MRPL28: variants seen among roughly 807,000 people sequenced by gnomAD.
The protein encoded by MRPL28 is mitochondrial ribosomal protein L28.
In MRPL28, 25 loss-of-function variants were observed where a neutral mutation model predicts 26.2. That is an observed-to-expected ratio of 0.95 (90% confidence interval 0.69 to 1.33). The LOEUF (loss-of-function observed/expected upper bound fraction) is 1.33. Among genes scored for constraint, MRPL28 ranks in the 40% most tolerant of loss-of-function variants. The pLI is 0.00. For missense variants in MRPL28, 432 were observed against 327.2 expected (o/e 1.32, Z -2.47); for synonymous variants, 227 against 140.1 (o/e 1.62, Z -4.38).
chr16:369,891 A>G, intron 2 of MRPL28, 40 bp downstream of exon 2: 1 of 1,578,010 alleles, frequency 6.3e-7, no homozygotes, highest in Non-Finnish European at 8.6e-7. Context: ...GGCACAGCCA[A>G]GCCCTGAGAG....
Position 368,320 on chromosome 16 carries a change from ACACT to A in MRPL28, c.663+4_663+7del. 3 of 1,613,102 alleles carry A rather than the reference ACACT, an allele frequency of 1.9e-6. No homozygotes were observed. Among genetic ancestry groups the A allele is most frequent in the Non-Finnish European group, 2.5e-6 (3 of 1,179,814 alleles). ...GCAGGCAGCATCGGCTGGTGCTCAC[ACACT>A]CACCTTCTCCTCCAAAAGTCTCTGC... is the stretch of plus-strand genomic sequence containing the variant. On this transcript the variant is annotated splice_donor_5th_base_variant and intron_variant, in intron 5 of 5. Transcript: ENST00000199706.
At position 368,565 on chromosome 16, in the gene MRPL28, C is replaced by T. The variant is rs1164580442; in HGVS notation, c.512G>A (p.Arg171Gln). The T allele has an allele frequency of 1.0e-5, 16 of 1,597,136 alleles. No individual in the cohort carries two copies. The highest frequency in any genetic ancestry group is 2.2e-5 in the South Asian group (2 of 89,198). Residue 171 changes from arginine (R) to glutamine (Q), a missense_variant, in exon 4 of 6, where the codon CGG (arginine) becomes CAG (glutamine). By Grantham distance (43) the Arg-to-Gln change is conservative. Transcript: ENST00000199706. ...CTCGGGGTGCAGCTGGGGGTCCTGC[C>T]GGGCAAGCCGCAGCAGCATCCCTCG... ...LKRGMLLRLA[R>Q]QDPQLHPEDP...
rs964594223 is a variant in MRPL28 at position 370,099 on chromosome 16, G to A, written c.120C>T (p.Pro40=). Residue 40 remains proline (P), a synonymous_variant, in exon 2 of 6, where the codon CCC becomes CCT. Coordinates refer to ENST00000199706, the MANE Select transcript of MRPL28 (RefSeq NM_006428.5). The part of the protein sequence containing the change: ...RSLEEERTPT[P]VHYRPHGAKF... ...TGGCCCCATGAGGCCTATAGTGCAC[G>A]GGAGTGGGCGTCCGCTCCTCCTCCA... 9 of 1,610,802 alleles carry A rather than the reference G, an allele frequency of 5.6e-6. No homozygotes were observed. Among genetic ancestry groups the A allele is most frequent in the African/African-American group, 1.3e-5 (1 of 74,836 alleles).
chr16:368,791 G>A, intron 3 of MRPL28, 156 bp from the exon 4 acceptor site: 3 of 1,226,872 alleles, frequency 2.4e-6, no homozygotes, highest in Non-Finnish European at 3.3e-6. Flanking sequence ...TGGGGGGTGG[G>A]ATCAGCACAG....
At chr16:369,845 G>A (rs1567319681) in intron 2 of MRPL28, 86 bp downstream of exon 2, 10 of 1,501,752 alleles carry the variant, frequency 6.7e-6, no homozygotes, top group Non-Finnish European at 7.2e-6. Flanking sequence ...GCCCACCCAG[G>A]TCTCTCCAGG....
Position 370,094 on chromosome 16 carries a change from T to G in MRPL28, c.125A>C (p.His42Pro). Residue 42 changes from histidine (H) to proline (P), a missense_variant, in exon 2 of 6, where the codon CAC (histidine) becomes CCC (proline). Transcript: ENST00000199706. ...LEEERTPTPV[H>P]YRPHGAKFKI... ...GAACTTGGCCCCATGAGGCCTATAG[T>G]GCACGGGAGTGGGCGTCCGCTCCTC... 1 of 1,611,438 alleles carries G rather than the reference T, an allele frequency of 6.2e-7. No homozygotes were observed. Among genetic ancestry groups the G allele is most frequent in the South Asian group, 1.1e-5 (1 of 90,922 alleles).
In MRPL28 at chr16:370,207, GT is replaced by G. The variant is rs1384590292; in HGVS notation, c.11del (p.His4ProfsTer98). 1.3e-6 allele frequency: 2 copies of G among 1,585,988 alleles called. No homozygotes were observed. The highest frequency in any genetic ancestry group is 1.7e-6 in the Non-Finnish European group (2 of 1,169,866). On this transcript the variant is annotated frameshift_variant, in exon 2 of 6. Coordinates refer to ENST00000199706, the MANE Select transcript of MRPL28 (RefSeq NM_006428.5). LOFTEE classifies it high-confidence loss of function. ...GCTTCCAGAGCCACACGGGATACTT[GT>G]GTAGAGGCATCGCGAGCCTGGCGGG... MPL[H>X]KYPVWLWKRL...
chr16:368,272 A>C (rs1238424100), intron 5 of MRPL28, 56 bp downstream of exon 5: 8 of 1,590,636 alleles, frequency 5.0e-6, no homozygotes, highest in Admixed American at 3.3e-5. Context: ...GCACACTCCC[A>C]GACCCTGAAC....
chr16:369,820 G>A (rs889043683), intron 2 of MRPL28, 111 bp downstream of exon 2: 3 of 1,353,106 alleles, frequency 2.2e-6, no homozygotes, highest in Non-Finnish European at 3.0e-6. Context: ...TCGCCTCCAG[G>A]CTGTAATCCC....
chr16:368,692 C>T (rs1188385571), intron 3 of MRPL28, 57 bp from the exon 4 acceptor site: 5 of 1,513,402 alleles, frequency 3.3e-6, no homozygotes, highest in African/African-American at 1.4e-5. Context: ...CCTACCCTTC[C>T]AGCCAACCCA....
chr16:369,991 C>G lies in MRPL28; in HGVS notation c.228G>C (p.Gln76His), dbSNP rs765516864. The change falls in exon 2 of 6, where the codon CAG (glutamine) becomes CAC (histidine). Residue 76 changes from glutamine to histidine, a missense_variant. Transcript: ENST00000199706. Reference protein sequence around the residue: ...PIPIYFPPESQRGLWGGEGWI... With the variant: ...PIPIYFPPESHRGLWGGEGWI... ...AGCCCTCGCCGCCCCACAACCCCCGCTGGGATTCGGGGGGAAAGTAGATGG... is the reference window on the plus strand; with the variant it reads ...AGCCCTCGCCGCCCCACAACCCCCGGTGGGATTCGGGGGGAAAGTAGATGG... The G allele has an allele frequency of 7.0e-5, 113 of 1,612,950 alleles. 1 individual carries two copies. The South Asian group carries it at 1.2e-3, about 17-fold the overall frequency.
chr16:368,751 C>T (rs2054285499), intron 3 of MRPL28, 116 bp from the exon 4 acceptor site: 1 of 1,464,420 alleles, frequency 6.8e-7, no homozygotes, highest in African/African-American at 1.4e-5. Flanking sequence ...ACAGAGAAGG[C>T]CCGGGTGGGG....
At chr16:367,810 G>A in intron 5 of MRPL28, 28 bp from the exon 6 acceptor site, 1 of 1,585,814 alleles carries the variant, frequency 6.3e-7, no homozygotes, top group Non-Finnish European at 8.7e-7. Flanking sequence ...TCATGGTGAG[G>A]CCAGGGAAGC....
intron 2 of MRPL28, 138 bp downstream of exon 2, chr16:369,793 C>A: frequency 8.9e-7 from 1 of 1,127,386 alleles, no homozygotes; most frequent in South Asian, 1.5e-5. Context: ...TCAGCGTGCT[C>A]CTTTGCCGGA....
chr16:368,461 A>G (rs1410633806), intron 4 of MRPL28, 40 bp downstream of exon 4: 2 of 1,612,988 alleles, frequency 1.2e-6, no homozygotes, highest in Non-Finnish European at 1.7e-6. Flanking sequence ...GGGCCGGGCC[A>G]CGAGTCCCCA....
rs761971606 is a variant in MRPL28 at position 370,131 on chromosome 16, G to C, written c.88C>G (p.Arg30Gly). ...GGCGTCCGCTCCTCCTCCAGGGAGC[G>C]CAGGTAGTGGCCGGGCAGGCGGGAA... is the stretch of plus-strand genomic sequence containing the variant. ...ICSRLPGHYL[R>G]SLEEERTPTP... The change falls in exon 2 of 6, where the codon CGC becomes GGC. Residue 30 changes from arginine (R) to glycine (G), a missense_variant. Transcript: ENST00000199706. 4.4e-6 allele frequency: 7 copies of C among 1,606,686 alleles called. No homozygotes were observed. In the Admixed American group the frequency reaches 6.8e-5, roughly 16 times the overall value.
chr16:367,684 A>G lies in MRPL28; in HGVS notation c.762T>C (p.Ser254=), dbSNP rs765781219. 5 of 1,613,534 alleles carry G rather than the reference A, an allele frequency of 3.1e-6. No individual in the cohort carries two copies. In the East Asian group the frequency reaches 1.1e-4, roughly 36 times the overall value. The change falls in exon 6 of 6, where the codon AGT becomes AGC. Residue 254 remains serine (S), a synonymous_variant. Transcript: ENST00000199706. ...TGGAGGAGCTGTGTGGTCACTGGCC[A>G]CTGGCTCTCTTCTGCACCACCGCCG... ...SEPAVVQKRA[S]GQ
At position 369,175 on chromosome 16, in the gene MRPL28, G is replaced by T. The variant is rs776729941; in HGVS notation, c.334C>A (p.Arg112=). ...TCCAGGATCTCACTGTAGAACTCTC[G>T]CTCAAACAGCTGTGGCTTCCACACT... ...KKVWKPQLFE[R]EFYSEILDKK... is the part of the protein sequence containing the mutation. Residue 112 remains arginine, a synonymous_variant, in exon 3 of 6, where the codon CGA becomes AGA. Transcript: ENST00000199706. 1.2e-6 allele frequency: 2 copies of T among 1,614,040 alleles called. No homozygotes were observed. The highest frequency in any genetic ancestry group is 1.1e-5 in the South Asian group (1 of 91,088).
chr16:367,217 GAAAA>G lies in MRPL28; in HGVS notation c.*454_*457del, dbSNP rs1283087737. Reference sequence around the variant, plus strand: ...AAGACTCCGTCTCAAAAAAAGAAAAGAAAAAAAAACACAAAACACAGAATTGAAC... The same window carrying G: ...AAGACTCCGTCTCAAAAAAAGAAAAGAAAAACACAAAACACAGAATTGAAC... On this transcript the variant is annotated 3_prime_UTR_variant, in exon 6 of 6. Transcript: ENST00000199706. 6.6e-6 allele frequency among the ~76,000 whole-genome samples: 1 copy of G among 151,046 alleles called. No homozygotes were observed. The highest frequency in any genetic ancestry group is 1.5e-5 in the Non-Finnish European group (1 of 67,712).
Sources: gnomAD v4.1 joint callset for allele counts (sites outside exome capture counted in the v4.1 genomes callset) on GRCh38, gnomAD v4.1.1 for gene constraint, MANE v1.5 for transcripts, NCBI Gene and HGNC (gene_info 2026-07-23, HGNC 2026-07-21) for gene names.